CIMAP1C: variants seen among roughly 807,000 people sequenced by gnomAD.
CIMAP1C encodes the protein ciliary microtubule associated protein 1C.
chr15:75,726,087 T>C, the CIMAP1C span: 1 of 1,613,890 alleles, frequency 6.2e-7, no homozygotes, highest in Non-Finnish European at 8.5e-7. Flanking sequence ...CCCTGGGCCT[T>C]GCTATCTCTT....
chr15:75,725,048 G>A, the CIMAP1C span: 13 of 1,144,382 alleles, frequency 1.1e-5, no homozygotes, highest in Non-Finnish European at 1.6e-5. Context: ...CTGTACTGGG[G>A]CTTCCCCTGC....
chr15:75,724,386 C>T, the CIMAP1C span: 17 of 1,046,520 alleles, frequency 1.6e-5, no homozygotes, highest in Admixed American at 2.8e-4. Context: ...AGCCTGCCTC[C>T]TGCAAAGCCC....
the CIMAP1C span, chr15:75,727,247 C>A: frequency 6.2e-7 from 1 of 1,614,188 alleles, no homozygotes; most frequent in South Asian, 1.1e-5. Context: ...CCGAGCTGCT[C>A]CCTGCTACAG....
the CIMAP1C span, among the ~76,000 whole-genome samples, chr15:75,726,905 C>T: frequency 3.9e-5 from 6 of 152,172 alleles, no homozygotes; most frequent in South Asian, 4.1e-4. Flanking sequence ...TGAGCCACCG[C>T]GTCCGGCCTA....
the CIMAP1C span, chr15:75,725,999 A>G: frequency 8.9e-7 from 1 of 1,122,812 alleles, no homozygotes; most frequent in East Asian, 2.5e-5. Flanking sequence ...GAGGCAGGCC[A>G]GGTGCTCAGT....
chr15:75,726,173 T>A, the CIMAP1C span: 1 of 1,586,592 alleles, frequency 6.3e-7, no homozygotes, highest in Non-Finnish European at 8.6e-7. Flanking sequence ...CCAACCTGCG[T>A]AAGATGGGGT....
the CIMAP1C span, chr15:75,725,135 C>T: frequency 1.1e-5 from 18 of 1,613,936 alleles, no homozygotes; most frequent in Non-Finnish European, 1.5e-5. Context: ...TACCTCCGGC[C>T]ATCCTGCACG....
the CIMAP1C span, among the ~76,000 whole-genome samples, chr15:75,725,724 C>T: frequency 2.0e-5 from 3 of 152,294 alleles, no homozygotes; most frequent in African/African-American, 4.8e-5. Flanking sequence ...GAATACCCAC[C>T]TCAGCAAGGT....
chr15:75,727,320 C>T, the CIMAP1C span: 1 of 1,614,144 alleles, frequency 6.2e-7, no homozygotes, highest in South Asian at 1.1e-5. Flanking sequence ...CCTGGACCTA[C>T]CACGTACGCC....
chr15:75,727,495 G>A, the CIMAP1C span: 6 of 1,610,160 alleles, frequency 3.7e-6, no homozygotes, highest in Non-Finnish European at 5.1e-6. Flanking sequence ...TGGGCATCAA[G>A]CACTCACTCC....
At chr15:75,724,164 G>A in the CIMAP1C span, 1 of 1,432,822 alleles carries the variant, frequency 7.0e-7, no homozygotes, top group Non-Finnish European at 9.8e-7. Flanking sequence ...TTTAGACCCT[G>A]CTGTAGCTGC....
chr15:75,724,277 G>A, the CIMAP1C span: 1 of 1,614,126 alleles, frequency 6.2e-7, no homozygotes. Context: ...CCTCAAGGCA[G>A]GAGGTCAAGC....
chr15:75,727,547 T>C, the CIMAP1C span: 1 of 1,560,668 alleles, frequency 6.4e-7, no homozygotes, highest in East Asian at 2.3e-5. Flanking sequence ...CTGAGGCCCC[T>C]CTTGGGGCAC....
chr15:75,726,045 G>T, the CIMAP1C span: 8 of 1,588,964 alleles, frequency 5.0e-6, no homozygotes, highest in African/African-American at 5.4e-5. Context: ...CCCTCTCCTT[G>T]GTTGCCCTGC....
At chr15:75,727,082 T>C in the CIMAP1C span, 1 of 1,613,594 alleles carries the variant, frequency 6.2e-7, no homozygotes, top group Non-Finnish European at 8.5e-7. Flanking sequence ...CCTCGCATCC[T>C]GCCAGTACTA....
At chr15:75,724,670 G>T in the CIMAP1C span, among the ~76,000 whole-genome samples, 8 of 152,222 alleles carry the variant, frequency 5.3e-5, no homozygotes, top group African/African-American at 1.9e-4. Flanking sequence ...TTAGTGCAGG[G>T]ATTGAAGGTT....
At chr15:75,726,035 C>A in the CIMAP1C span, 3 of 1,538,132 alleles carry the variant, frequency 2.0e-6, no homozygotes, top group Non-Finnish European at 2.7e-6. Context: ...GCTGACCAGG[C>A]CCTCTCCTTG....
chr15:75,726,188 G>C, the CIMAP1C span: 1 of 1,379,622 alleles, frequency 7.2e-7, no homozygotes, highest in African/African-American at 1.4e-5. Context: ...TGGGGTTATG[G>C]ACAGATGTTG....
At chr15:75,725,243 C>A in the CIMAP1C span, 1 of 1,490,406 alleles carries the variant, frequency 6.7e-7, no homozygotes, top group South Asian at 1.1e-5. Flanking sequence ...CCCAGTCATC[C>A]GGCTGGGGTT....
Sources: gnomAD v4.1 joint callset for allele counts (sites outside exome capture counted in the v4.1 genomes callset) on GRCh38, gnomAD v4.1.1 for gene constraint, MANE v1.5 for transcripts, NCBI Gene and HGNC (gene_info 2026-07-23, HGNC 2026-07-21) for gene names.